Variants in LRRC4C observed in about 807,000 individuals in gnomAD.
The protein encoded by LRRC4C is leucine rich repeat containing 4C, also known as leucine-rich repeat-containing protein 4C.
LRRC4C carries 5 observed loss-of-function variants against 33.6 expected under a neutral mutation model. The ratio of observed to expected loss-of-function variants is 0.15; its 90% CI spans 0.08 to 0.31. LRRC4C has a LOEUF of 0.31. Ranked by LOEUF, LRRC4C falls within the 10% of genes least tolerant of loss-of-function variation. The pLI is 1.00. For missense variants in LRRC4C, 560 were observed against 796.7 expected (o/e 0.70, Z 3.58); for synonymous variants, 329 against 302.0 (o/e 1.09, Z -0.93).
At chr11:41,080,237 A>G (rs1032180963) in intron 1 of LRRC4C, among the ~76,000 whole-genome samples, 1 of 152,186 alleles carries the variant, frequency 6.6e-6, no homozygotes, top group African/African-American at 2.4e-5. Context: ...TAGGTAGAAA[A>G]ATTGAGGAAC....
chr11:40,824,944 T>C (rs1264669859), intron 2 of LRRC4C, among the ~76,000 whole-genome samples: 1 of 151,908 alleles, frequency 6.6e-6, no homozygotes, highest in Non-Finnish European at 1.5e-5. Flanking sequence ...CACTGCTCTT[T>C]TACGGTGAGT....
chr11:41,295,100 A>G (rs1950101004), intron 1 of LRRC4C, among the ~76,000 whole-genome samples: 2 of 152,226 alleles, frequency 1.3e-5, no homozygotes, highest in Admixed American at 6.5e-5. Context: ...ATCATGAGAA[A>G]CTAATTCAAA....
intron 1 of LRRC4C, among the ~76,000 whole-genome samples, chr11:41,023,404 T>C (rs1329061022): frequency 6.6e-6 from 1 of 151,564 alleles, no homozygotes; most frequent in African/African-American, 2.4e-5. Context: ...AACAACAAAA[T>C]CACATCCATG....
intron 3 of LRRC4C, among the ~76,000 whole-genome samples, chr11:40,607,330 G>A (rs1342391575): frequency 1.3e-5 from 2 of 152,132 alleles, no homozygotes; most frequent in African/African-American, 4.8e-5. Flanking sequence ...GTGAGAATAG[G>A]CACTCCTGTT....
At chr11:40,857,588 C>T (rs1409010269) in intron 2 of LRRC4C, among the ~76,000 whole-genome samples, 5 of 152,174 alleles carry the variant, frequency 3.3e-5, no homozygotes, top group Non-Finnish European at 7.3e-5. Flanking sequence ...ACCTAATTAA[C>T]TATCCTGAGA....
At chr11:40,688,812 C>T (rs1181039643) in intron 2 of LRRC4C, among the ~76,000 whole-genome samples, 1 of 152,116 alleles carries the variant, frequency 6.6e-6, no homozygotes, top group African/African-American at 2.4e-5. Context: ...ACCACAGTGG[C>T]TTTCAAGTGC....
intron 3 of LRRC4C, among the ~76,000 whole-genome samples, chr11:40,332,499 C>G (rs1048618458): frequency 6.6e-6 from 1 of 152,148 alleles, no homozygotes; most frequent in African/African-American, 2.4e-5. Flanking sequence ...AACATAACTA[C>G]CAGGGCTTAG....
chr11:40,297,615 G>T (rs1002636771), intron 4 of LRRC4C, among the ~76,000 whole-genome samples: 6 of 150,784 alleles, frequency 4.0e-5, no homozygotes, highest in Admixed American at 4.0e-4. Context: ...GTCCCCCGCC[G>T]ACCCATGATG....
chr11:41,067,451 C>G (rs2135402905), intron 1 of LRRC4C, among the ~76,000 whole-genome samples: 1 of 152,260 alleles, frequency 6.6e-6, no homozygotes, highest in East Asian at 1.9e-4. Flanking sequence ...GACTTAGACT[C>G]CCACACAATA....
intron 1 of LRRC4C, among the ~76,000 whole-genome samples, chr11:41,228,962 A>C (rs1565498041): frequency 6.6e-6 from 1 of 152,086 alleles, no homozygotes. Context: ...ATGTTTAAAC[A>C]CAGTCATTTC....
chr11:40,819,446 G>T (rs1485652528), intron 2 of LRRC4C, among the ~76,000 whole-genome samples: 1 of 152,142 alleles, frequency 6.6e-6, no homozygotes, highest in Admixed American at 6.6e-5. Context: ...CCAGAGCAGA[G>T]TAAAGCCAGG....
At chr11:40,375,019 C>A (rs1351914514) in intron 3 of LRRC4C, among the ~76,000 whole-genome samples, 1 of 152,058 alleles carries the variant, frequency 6.6e-6, no homozygotes, top group African/African-American at 2.4e-5. Context: ...TAAGTTGTAT[C>A]CTTATGGATG....
intron 1 of LRRC4C, among the ~76,000 whole-genome samples, chr11:41,338,994 A>G (rs886934633): frequency 6.6e-6 from 1 of 152,222 alleles, no homozygotes; most frequent in Non-Finnish European, 1.5e-5. Context: ...AGAGTAACAC[A>G]TAGAAAATGC....
chr11:40,701,419 G>A (rs182394196), intron 2 of LRRC4C, among the ~76,000 whole-genome samples: 84 of 151,742 alleles, frequency 5.5e-4, no homozygotes, highest in Admixed American at 3.2e-3. Flanking sequence ...GTAATAAAGC[G>A]TATTTGCAGC....
At chr11:40,970,523 G>A (rs1438786638) in intron 1 of LRRC4C, among the ~76,000 whole-genome samples, 1 of 143,622 alleles carries the variant, frequency 7.0e-6, no homozygotes, top group Admixed American at 6.8e-5. Context: ...CCAGTCTCAT[G>A]TATTTCTTCA....
chr11:41,287,344 T>C (rs977101756), intron 1 of LRRC4C, among the ~76,000 whole-genome samples: 1 of 152,154 alleles, frequency 6.6e-6, no homozygotes, highest in African/African-American at 2.4e-5. Flanking sequence ...GAACATAGGA[T>C]GATGGAAGGG....
chr11:40,331,346 T>G (rs1946354387), intron 3 of LRRC4C, among the ~76,000 whole-genome samples: 3 of 152,236 alleles, frequency 2.0e-5, no homozygotes, highest in African/African-American at 7.2e-5. Context: ...CAAAGTCGTA[T>G]CTGCATTCCC....
intron 2 of LRRC4C, among the ~76,000 whole-genome samples, chr11:40,828,611 T>C (rs1413310813): frequency 6.6e-6 from 1 of 151,910 alleles, no homozygotes; most frequent in Non-Finnish European, 1.5e-5. Flanking sequence ...TGTCCTACCA[T>C]ATTTTAAACT....
chr11:41,436,760 C>T (rs1026826110), intron 1 of LRRC4C, among the ~76,000 whole-genome samples: 2 of 152,182 alleles, frequency 1.3e-5, no homozygotes, highest in African/African-American at 4.8e-5. Context: ...AACACAGCAT[C>T]AAATGACCTA....
Sources: gnomAD v4.1 joint callset for allele counts (sites outside exome capture counted in the v4.1 genomes callset) on GRCh38, gnomAD v4.1.1 for gene constraint, MANE v1.5 for transcripts, NCBI Gene and HGNC (gene_info 2026-07-23, HGNC 2026-07-21) for gene names.